Variants in AK8 observed in about 807,000 individuals in gnomAD.
AK8 encodes the protein ATP-AMP transphosphorylase 8.
In AK8, 44 loss-of-function variants were observed where a neutral mutation model predicts 54.6. The observed-to-expected ratio is 0.81, with a 90% CI of 0.63 to 1.04. The LOEUF is 1.04. Ranked by LOEUF, AK8 falls within the 50% of genes least tolerant of loss-of-function variation. AK8 has a pLI of 0.00. For missense variants in AK8, 555 were observed against 613.6 expected, an observed-to-expected ratio of 0.90 and a Z score of 1.01; for synonymous variants, 239 against 245.6, an observed-to-expected ratio of 0.97 and a Z score of 0.25.
rs546881637 is a variant in AK8 at position 132,804,310 on chromosome 9, C to G, written c.979+10328G>C. Among the ~76,000 whole-genome samples the G allele has an allele frequency of 2.6e-5, 4 of 152,260 alleles. No homozygotes were observed. In the South Asian group the frequency reaches 8.3e-4, roughly 32 times the overall value. On this transcript the variant is annotated intron_variant, in intron 10 of 12. Transcript: ENST00000298545. Reference sequence around the variant, plus strand: ...GCTCCTACCATGAGCCCTGCGGGAGCTGACTCCTCAGCCCTTGAAGCAGCC... The same window carrying G: ...GCTCCTACCATGAGCCCTGCGGGAGGTGACTCCTCAGCCCTTGAAGCAGCC...
Position 132,751,584 on chromosome 9 carries a change from A to T in AK8, c.1122-24050T>A, listed in dbSNP as rs187518866. Among the ~76,000 whole-genome samples, 6 of 151,148 alleles carry T rather than the reference A, an allele frequency of 4.0e-5. 1 individual carries two copies. Among genetic ancestry groups the T allele is most frequent in the Admixed American group, 4.0e-4 (6 of 15,126 alleles). Reference sequence around the variant, plus strand: ...TCTGGGTTTTGTTAGTTGTCTGTGAATTAAGTCTATGATTCCAGCCGAGAA... The same window carrying T: ...TCTGGGTTTTGTTAGTTGTCTGTGATTTAAGTCTATGATTCCAGCCGAGAA... On this transcript the variant is annotated intron_variant, in intron 11 of 12. Transcript: ENST00000298545.
rs930855137 is a variant in AK8, at chr9:132,781,617, A to G, written c.1121+11017T>C. On this transcript the variant is annotated intron_variant, in intron 11 of 12. Coordinates refer to ENST00000298545, the MANE Select transcript of AK8 (RefSeq NM_152572.3). The surrounding 1 kb of genome is among the most constrained non-coding windows in gnomAD (Gnocchi z 4.6). ...AATTTCATTGAACCTTCCTTAAAAA[A>G]AGAGCCTTTGTAGATTTTCATATCT... 3.9e-5 allele frequency among the ~76,000 whole-genome samples: 6 copies of G among 152,232 alleles called. No homozygotes were observed. The highest frequency in any genetic ancestry group is 1.3e-4 in the Admixed American group (2 of 15,284).
chr9:132,878,464 G>C, upstream of AK8: 1 of 1,220,706 alleles, frequency 8.2e-7, no homozygotes, highest in Non-Finnish European at 1.0e-6. This position sits in a 1 kb window ranked among gnomAD's most constrained non-coding sequence, Gnocchi z 4.7. Context: ...CCCCGGCCTC[G>C]CTTTTCCCAT....
Position 132,725,731 on chromosome 9 carries a change from A to G in AK8, c.1397T>C (p.Ile466Thr). The change falls in exon 13 of 13, where the codon ATC becomes ACC. Residue 466 changes from isoleucine to threonine, a missense_variant. Transcript: ENST00000298545. ...DQDPYTVFEYIESGIINPLPK... is the reference protein window; with the variant it reads ...DQDPYTVFEYTESGIINPLPK... Reference sequence around the variant, plus strand: ...CAGGGGATTAATGATCCCACTCTCGATGTATTCGAAGACTGTGTATGGGTC... The same window carrying G: ...CAGGGGATTAATGATCCCACTCTCGGTGTATTCGAAGACTGTGTATGGGTC... 1 of 1,587,668 alleles carries G rather than the reference A, an allele frequency of 6.3e-7. No homozygotes were observed. Among genetic ancestry groups the G allele is most frequent in the South Asian group, 1.2e-5 (1 of 86,932 alleles).
At chr9:132,854,997 C>A (rs1843120157) in intron 4 of AK8, 72 bp from the exon 5 acceptor site, 2 of 1,511,768 alleles carry the variant, frequency 1.3e-6, no homozygotes, top group Non-Finnish European at 1.8e-6. Context: ...GACCAGCACA[C>A]ACCCTTCACC....
chr9:132,859,437 A>G (rs541752604), intron 4 of AK8, among the ~76,000 whole-genome samples: 2 of 152,130 alleles, frequency 1.3e-5, no homozygotes, highest in East Asian at 3.9e-4. Flanking sequence ...CAGAGAAAAA[A>G]AAGAAAGGTG....
rs1008244179 is a variant in AK8, at chr9:132,751,400, A to C, written c.1122-23866T>G. On this transcript the variant is annotated intron_variant, in intron 11 of 12. Coordinates refer to ENST00000298545, the MANE Select transcript of AK8 (RefSeq NM_152572.3). ...CTCCAAAAAAAAAAAAAAAAAACAA[A>C]AAAAACCAACTTCTGGGTTTTGCTA... 7.3e-5 allele frequency among the ~76,000 whole-genome samples: 11 copies of C among 150,426 alleles called. No homozygotes were observed. The South Asian group carries it at 2.1e-3, about 29-fold the overall frequency.
chr9:132,751,464 C>A (rs116069011), intron 11 of AK8, among the ~76,000 whole-genome samples: 1 of 150,024 alleles, frequency 6.7e-6, no homozygotes, highest in African/African-American at 2.5e-5. Flanking sequence ...AGCTGAGAAG[C>A]CTGCAACATC....
intron 5 of AK8, among the ~76,000 whole-genome samples, chr9:132,848,548 C>T (rs937287324): frequency 1.3e-5 from 2 of 152,196 alleles, no homozygotes; most frequent in African/African-American, 2.4e-5. Flanking sequence ...CTCCACAGTC[C>T]ACTCCAGTCC....
intron 10 of AK8, among the ~76,000 whole-genome samples, chr9:132,812,980 G>A (rs943997889): frequency 3.5e-5 from 5 of 140,932 alleles, no homozygotes; most frequent in South Asian, 2.4e-4. Flanking sequence ...TGTGGCCACC[G>A]CAGACACCCA....
At chr9:132,864,401 G>A (rs145681345) in intron 3 of AK8, among the ~76,000 whole-genome samples, 6 of 152,262 alleles carry the variant, frequency 3.9e-5, no homozygotes, top group Non-Finnish European at 5.9e-5. Flanking sequence ...TTCATCCCCT[G>A]CCAACCAGGA....
intron 5 of AK8, among the ~76,000 whole-genome samples, chr9:132,848,233 A>C (rs569786084): frequency 1.0e-3 from 155 of 152,272 alleles, no homozygotes; most frequent in Middle Eastern, 3.4e-3. Context: ...CAAATGCATA[A>C]GAAATAATGG....
chr9:132,763,854 C>T (rs936660241), intron 11 of AK8, among the ~76,000 whole-genome samples: 2 of 152,172 alleles, frequency 1.3e-5, no homozygotes, highest in African/African-American at 2.4e-5. Flanking sequence ...CTACAGGGTA[C>T]AGCAAATGCA....
chr9:132,877,055 G>A (rs1316154568), intron 1 of AK8, among the ~76,000 whole-genome samples: 1 of 152,158 alleles, frequency 6.6e-6, no homozygotes, highest in East Asian at 1.9e-4. Context: ...AGCAGTGCAA[G>A]ACCCTGTTTC....
rs1028413716 is a variant in AK8 at position 132,799,272 on chromosome 9, T to G, written c.980-6497A>C. 1.3e-5 allele frequency among the ~76,000 whole-genome samples: 2 copies of G among 152,146 alleles called. No homozygotes were observed. The highest frequency in any genetic ancestry group is 2.4e-5 in the African/African-American group (1 of 41,426). On this transcript the variant is annotated intron_variant, in intron 10 of 12. Transcript: ENST00000298545. The surrounding 1 kb of genome is among the most constrained non-coding windows in gnomAD (Gnocchi z 5.0). The stretch of plus-strand genomic sequence containing the variant: ...AAGATATGAGGGACACTAAGGTTTC[T>G]GGGGCTGGCATATAAAGATAGGACA...
intron 11 of AK8, among the ~76,000 whole-genome samples, chr9:132,750,494 C>A (rs964448644): frequency 1.3e-5 from 2 of 151,914 alleles, no homozygotes; most frequent in Non-Finnish European, 2.9e-5. Flanking sequence ...ACCTCTGTGG[C>A]CTTCCCAGCA....
At chr9:132,825,517 C>T (rs544189278) in intron 8 of AK8, among the ~76,000 whole-genome samples, 4 of 152,270 alleles carry the variant, frequency 2.6e-5, no homozygotes, top group South Asian at 2.1e-4. Context: ...ATGACCCTTC[C>T]GAGATGCAAA....
At chr9:132,738,673 C>G (rs189659526) in intron 11 of AK8, among the ~76,000 whole-genome samples, 80 of 152,004 alleles carry the variant, frequency 5.3e-4, no homozygotes, top group African/African-American at 1.8e-3. Context: ...AGGATAGTTT[C>G]CAAAGGAAGT....
chr9:132,852,817 G>GA (rs958005633), intron 5 of AK8, among the ~76,000 whole-genome samples: 4 of 116,526 alleles, frequency 3.4e-5, no homozygotes, highest in African/African-American at 6.4e-5. Flanking sequence ...AAAATGATAA[G>GA]AAAAAAAAAG....
Sources: gnomAD v4.1 joint callset for allele counts (sites outside exome capture counted in the v4.1 genomes callset) on GRCh38, gnomAD v4.1.1 for gene constraint, Gnocchi (gnomAD v3.1) non-coding constraint, MANE v1.5 for transcripts, NCBI Gene and HGNC (gene_info 2026-07-23, HGNC 2026-07-21) for gene names.